The following KCNK10 variants were observed in gnomAD, a reference collection of about 807,000 sequenced individuals.
KCNK10 encodes potassium channel subfamily K member 10.
In KCNK10, 25 loss-of-function variants were observed where a neutral mutation model predicts 47.7. The ratio of observed to expected loss-of-function variants is 0.52; its 90% CI spans 0.38 to 0.73. KCNK10 has a LOEUF of 0.73. Among genes scored for constraint, KCNK10 ranks in the 30% least tolerant of loss-of-function variants. The probability of loss-of-function intolerance (pLI) is 0.00; values close to 1 mark genes in which losing one functional copy is unlikely to be tolerated. For synonymous variants in KCNK10, 303 were observed against 285.6 expected (o/e 1.06, Z -0.61); for missense variants, 563 against 714.5 (o/e 0.79, Z 2.42).
At chr14:88,294,740 G>T (rs376285046) in intron 1 of KCNK10, among the ~76,000 whole-genome samples, 3 of 152,268 alleles carry the variant, frequency 2.0e-5, no homozygotes, top group African/African-American at 7.2e-5. Flanking sequence ...TTGCCTTAAG[G>T]ATCAGTTCCA....
chr14:88,270,141 A>T (rs1887367359), intron 1 of KCNK10, among the ~76,000 whole-genome samples: 1 of 152,008 alleles, frequency 6.6e-6, no homozygotes, highest in Non-Finnish European at 1.5e-5. Flanking sequence ...GTCTGGAATC[A>T]TTCCGGGGCC....
intron 1 of KCNK10, among the ~76,000 whole-genome samples, chr14:88,307,964 G>A (rs1317950320): frequency 1.3e-5 from 2 of 152,064 alleles, no homozygotes; most frequent in Non-Finnish European, 2.9e-5. Context: ...TAGGGAGCAG[G>A]TACTTTTATC....
intron 4 of KCNK10, among the ~76,000 whole-genome samples, chr14:88,215,037 A>T (rs1242005809): frequency 6.6e-6 from 1 of 152,196 alleles, no homozygotes; most frequent in Non-Finnish European, 1.5e-5. Context: ...ACCTTGGACA[A>T]GTCACAGAAC....
At chr14:88,250,280 G>A (rs764708041) in intron 2 of KCNK10, among the ~76,000 whole-genome samples, 5 of 152,130 alleles carry the variant, frequency 3.3e-5, no homozygotes, top group Admixed American at 2.0e-4. Context: ...ATAATGACTC[G>A]GAGGCCTGTA....
At chr14:88,277,889 A>G (rs1887560377) in intron 1 of KCNK10, among the ~76,000 whole-genome samples, 2 of 152,202 alleles carry the variant, frequency 1.3e-5, no homozygotes, top group African/African-American at 4.8e-5. Flanking sequence ...CTCCTGCTAG[A>G]GGATAAGTTC....
intron 1 of KCNK10, among the ~76,000 whole-genome samples, chr14:88,320,935 A>G (rs985116882): frequency 2.6e-5 from 4 of 152,180 alleles, no homozygotes; most frequent in Non-Finnish European, 5.9e-5. Context: ...TGGATCCCCC[A>G]GTCATATCTC....
chr14:88,279,507 C>T (rs1006945437), intron 1 of KCNK10, among the ~76,000 whole-genome samples: 7 of 151,066 alleles, frequency 4.6e-5, no homozygotes, highest in Non-Finnish European at 8.8e-5. Context: ...TACAGGACAC[C>T]CAGTGAAATT....
Position 88,192,392 on chromosome 14 carries a change from T to A in KCNK10, c.700A>T (p.Thr234Ser). The A allele has an allele frequency of 6.2e-7, 1 of 1,613,772 alleles. No homozygotes were observed. The highest frequency in any genetic ancestry group is 8.5e-7 in the Non-Finnish European group (1 of 1,179,888). The change falls in exon 5 of 7, where the codon ACC (threonine) becomes TCC (serine). Residue 234 changes from threonine (T) to serine (S), a missense_variant. Thr to Ser is a moderately conservative substitution (Grantham distance 58). Transcript: ENST00000319231. ...KVFRKKQVSQ[T>S]KIRVISTILF... The stretch of plus-strand genomic sequence containing the variant: ...ATGGTTGAGATGACCCGGATCTTGG[T>A]CTGACTCACTTGCTTTTTCTAGGAA...
chr14:88,326,465 A>C (rs1555366254), upstream of KCNK10: 3 of 1,612,532 alleles, frequency 1.9e-6, no homozygotes, highest in Non-Finnish European at 2.5e-6. Context: ...TCCAAGAAAG[A>C]TGCCGCTCCA....
At chr14:88,190,451 A>C (rs895351166) in intron 5 of KCNK10, among the ~76,000 whole-genome samples, 2 of 152,218 alleles carry the variant, frequency 1.3e-5, no homozygotes, top group Non-Finnish European at 2.9e-5. Context: ...ACTGGAATAC[A>C]TCTATAACTG....
intron 2 of KCNK10, among the ~76,000 whole-genome samples, chr14:88,249,984 C>A (rs938521768): frequency 2.0e-5 from 3 of 152,036 alleles, no homozygotes; most frequent in Non-Finnish European, 2.9e-5. Flanking sequence ...ATTGTAGGAA[C>A]GAGACACCAT....
chr14:88,226,579 C>A (rs1275547977), intron 4 of KCNK10, among the ~76,000 whole-genome samples: 1 of 152,148 alleles, frequency 6.6e-6, no homozygotes, highest in Non-Finnish European at 1.5e-5. Flanking sequence ...CAGAAGTGAC[C>A]TTACATCTGA....
In KCNK10 at chr14:88,223,968, G is replaced by T. The variant is rs189468284; in HGVS notation, c.681+3407C>A. Among the ~76,000 whole-genome samples, 6 of 151,998 alleles carry T rather than the reference G, an allele frequency of 3.9e-5. No homozygotes were observed. In the East Asian group the frequency reaches 9.7e-4, roughly 25 times the overall value. ...GGCCAAGGAGGGCAGATCACCTGAG[G>T]CCAGGAGTTCCAGACTAGCCTTGCC... On this transcript the variant is annotated intron_variant, in intron 4 of 6. Transcript: ENST00000319231.
intron 4 of KCNK10, among the ~76,000 whole-genome samples, chr14:88,217,513 G>A (rs1885660354): frequency 1.3e-5 from 2 of 152,060 alleles, no homozygotes; most frequent in Non-Finnish European, 2.9e-5. Context: ...CCAAAACAGG[G>A]ATTTTGATCT....
intron 1 of KCNK10, among the ~76,000 whole-genome samples, chr14:88,285,073 G>T (rs1038343411): frequency 6.6e-6 from 1 of 152,180 alleles, no homozygotes; most frequent in Non-Finnish European, 1.5e-5. Context: ...AAATAAGTTT[G>T]CATTAAACTC....
chr14:88,301,519 T>C (rs1477406399), intron 1 of KCNK10, among the ~76,000 whole-genome samples: 1 of 152,058 alleles, frequency 6.6e-6, no homozygotes, highest in African/African-American at 2.4e-5. Flanking sequence ...CCTAACAGTA[T>C]GCTACAACAG....
chr14:88,276,061 C>A (rs1364250851), intron 1 of KCNK10, among the ~76,000 whole-genome samples: 2 of 152,062 alleles, frequency 1.3e-5, no homozygotes, highest in Non-Finnish European at 2.9e-5. Context: ...TATGGCCACA[C>A]CCTAAACCTT....
intron 4 of KCNK10, among the ~76,000 whole-genome samples, chr14:88,226,676 C>T (rs958073759): frequency 3.3e-5 from 5 of 152,144 alleles, no homozygotes; most frequent in African/African-American, 1.2e-4. Context: ...GCCACTCATG[C>T]CTGCAACTAA....
chr14:88,253,996 G>T (rs573316912), intron 2 of KCNK10, among the ~76,000 whole-genome samples: 131 of 152,292 alleles, frequency 8.6e-4, no homozygotes, highest in African/African-American at 3.0e-3. Flanking sequence ...GTCAGGGTGA[G>T]GGGGAGAGAG....
Sources: gnomAD v4.1 joint callset for allele counts (sites outside exome capture counted in the v4.1 genomes callset) on GRCh38, gnomAD v4.1.1 for gene constraint, MANE v1.5 for transcripts, NCBI Gene and HGNC (gene_info 2026-07-23, HGNC 2026-07-21) for gene names.